The following SMPD4 variants were observed in gnomAD, a reference collection of about 807,000 sequenced individuals.
SMPD4 encodes sphingomyelin phosphodiesterase 4, also known as neutral sphingomyelinase 3.
Under a neutral mutation model 97.8 loss-of-function variants are expected in SMPD4, and 58 were observed. That is an observed-to-expected ratio of 0.59 (90% CI 0.48 to 0.74). The LOEUF (loss-of-function observed/expected upper bound fraction) is 0.74. Ranked by LOEUF, SMPD4 falls within the 30% of genes least tolerant of loss-of-function variation. The probability of loss-of-function intolerance (pLI) is 0.00; values close to 1 mark genes in which losing one functional copy is unlikely to be tolerated. For synonymous variants in SMPD4, 388 were observed against 450.0 expected, an observed-to-expected ratio of 0.86 and a Z score of 1.74; for missense variants, 853 against 1,080.5, an observed-to-expected ratio of 0.79 and a Z score of 2.95.
At chr2:130,163,591 G>A (rs1438983714) in intron 10 of SMPD4, among the ~76,000 whole-genome samples, 2 of 152,274 alleles carry the variant, frequency 1.3e-5, no homozygotes, top group Non-Finnish European at 2.9e-5. Context: ...ATGCACAGAC[G>A]CCATGGGCAC....
chr2:130,158,094 C>G lies in SMPD4; in HGVS notation c.952-698G>C, dbSNP rs1393328591. On this transcript the variant is annotated intron_variant, in intron 11 of 19. Transcript: ENST00000680298. Reference sequence around the variant, plus strand: ...GTTTGAGGCTGCAGTGAGCTAGGATCGTGCCACTGCACTCCAGCGTGGGTG... The same window carrying G: ...GTTTGAGGCTGCAGTGAGCTAGGATGGTGCCACTGCACTCCAGCGTGGGTG... 6 of 829,838 alleles carry G rather than the reference C, an allele frequency of 7.2e-6. No individual in the cohort carries two copies. In the African/African-American group the frequency reaches 9.1e-5, roughly 13 times the overall value. 51.4% of individuals were successfully genotyped at this position (829,838 alleles called of 1,614,324 possible). A position where few individuals can be genotyped will look rare whatever the true frequency, so the allele number is the denominator to read the frequency against.
At chr2:130,178,801 AAAAAAAAAAG>A (rs1324595753) in intron 1 of SMPD4, among the ~76,000 whole-genome samples, 5 of 150,516 alleles carry the variant, frequency 3.3e-5, no homozygotes, top group Non-Finnish European at 7.4e-5. Flanking sequence ...AAAAAATGGA[AAAAAAAAAAG>A]AAAAAAAAAG....
At position 130,152,491 on chromosome 2, in the gene SMPD4, C is replaced by T. The variant is rs1302514314; in HGVS notation, c.*64G>A. 1 of 1,454,438 alleles carries T rather than the reference C, an allele frequency of 6.9e-7. No homozygotes were observed. The highest frequency in any genetic ancestry group is 2.5e-5 in the East Asian group (1 of 40,024). The allele number at this position is 1,454,438 out of a possible 1,614,324, so 90.1% of individuals were successfully genotyped here. On this transcript the variant is annotated 3_prime_UTR_variant, in exon 20 of 20. Transcript: ENST00000680298. ...CTCCTGGAGGGGCTTCCCAGGTCCTCTCAGCCCAAGGGTGGGGCTGTGTGG... is the reference window on the plus strand; with the variant it reads ...CTCCTGGAGGGGCTTCCCAGGTCCTTTCAGCCCAAGGGTGGGGCTGTGTGG...
Position 130,167,266 on chromosome 2 carries a change from G to A in SMPD4, c.792+192C>T, listed in dbSNP as rs187787322. 1.4e-4 allele frequency among the ~76,000 whole-genome samples: 21 copies of A among 152,192 alleles called. 1 individual carries two copies. Among genetic ancestry groups the A allele is most frequent in the African/African-American group, 4.1e-4 (17 of 41,514 alleles). ...CTCCCGAGTAGCTGGGATTACAGGC[G>A]CCTGCCACCACGCCCAACTAATTTT... On this transcript the variant is annotated intron_variant, in intron 9 of 19. Transcript: ENST00000680298.
Position 130,173,972 on chromosome 2 carries a change from T to TAA in SMPD4, c.127-318_127-317dup, listed in dbSNP as rs70991393. On this transcript the variant is annotated intron_variant, in intron 3 of 19. Coordinates refer to ENST00000680298, the MANE Select transcript of SMPD4 (RefSeq NM_017951.5). The stretch of plus-strand genomic sequence containing the variant: ...TTAAATTAAGAAAAATAAATAAATT[T>TAA]AAAAAAAAACAAACAATGAAAATAA... 2.3e-3 allele frequency among the ~76,000 whole-genome samples: 342 copies of TAA among 149,458 alleles called. 5 individuals carry two copies. Among genetic ancestry groups the TAA allele is most frequent in the African/African-American group, 6.9e-3 (280 of 40,820 alleles).
chr2:130,156,254 C>T (rs1317347119), intron 13 of SMPD4, 119 bp from the exon 14 acceptor site: 8 of 874,660 alleles, frequency 9.1e-6, no homozygotes, highest in African/African-American at 3.3e-5. Context: ...CTCCAGAGGG[C>T]GCAGGAGAGA....
chr2:130,177,437 C>G (rs1018796359), intron 1 of SMPD4, among the ~76,000 whole-genome samples: 3 of 152,064 alleles, frequency 2.0e-5, no homozygotes, highest in African/African-American at 7.2e-5. Flanking sequence ...GTGGCTCCCA[C>G]CTGTAATCCT....
At position 130,162,313 on chromosome 2, in the gene SMPD4, G is replaced by A. The variant is rs1392253461; in HGVS notation, c.865-1041C>T. On this transcript the variant is annotated intron_variant, in intron 10 of 19. Coordinates refer to ENST00000680298, the MANE Select transcript of SMPD4 (RefSeq NM_017951.5). ...CCAGTGCAGCCACAGCCGGCCTGGT[G>A]CACATCCTGCCCCGCCAGCAGCATG... 2.0e-5 allele frequency among the ~76,000 whole-genome samples: 3 copies of A among 152,326 alleles called. No individual in the cohort carries two copies. In the East Asian group the frequency reaches 5.8e-4, roughly 29 times the overall value.
chr2:130,153,375 G>A lies in SMPD4; in HGVS notation c.1969C>T (p.Pro657Ser), dbSNP rs374198917. The A allele has an allele frequency of 1.2e-6, 2 of 1,613,888 alleles. No homozygotes were observed. Among genetic ancestry groups the A allele is most frequent in the Non-Finnish European group, 1.7e-6 (2 of 1,180,024 alleles). The change falls in exon 18 of 20, where the codon CCC becomes TCC. Residue 657 changes from proline to serine, a missense_variant. By Grantham distance (74) the Pro-to-Ser change is moderately conservative. This residue lies in a region of SMPD4 where 511 missense variants were observed against 608.1 expected (regional missense o/e 0.84). Coordinates refer to ENST00000680298, the MANE Select transcript of SMPD4 (RefSeq NM_017951.5). ...CCGTCCTCACCCACGATGCAGTCGGGGAGTTGCTTTTTTCCATTCTCATCC... is the reference window on the plus strand; with the variant it reads ...CCGTCCTCACCCACGATGCAGTCGGAGAGTTGCTTTTTTCCATTCTCATCC... Reference protein sequence around the residue: ...TQDENGKKQLPDCIVGEDGLI... With the variant: ...TQDENGKKQLSDCIVGEDGLI...
chr2:130,169,221 T>G (rs1688207692), intron 8 of SMPD4, among the ~76,000 whole-genome samples: 1 of 151,714 alleles, frequency 6.6e-6, no homozygotes, highest in African/African-American at 2.4e-5. Flanking sequence ...TCTGGAGGGG[T>G]CAAGGTCAGG....
chr2:130,167,516 G>A lies in SMPD4; in HGVS notation c.734C>T (p.Thr245Met), dbSNP rs759616929. The change falls in exon 9 of 20, where the codon ACG becomes ATG. Residue 245 changes from threonine (T) to methionine (M), a missense_variant. Coordinates refer to ENST00000680298, the MANE Select transcript of SMPD4 (RefSeq NM_017951.5). ...SLLKRHISHQ[T>M]SVNADPASHE... The stretch of plus-strand genomic sequence containing the variant: ...GGAGGCGGGGTCTGCATTCACAGAC[G>A]TCTGATGAGAGATGTGTCGCTTTAG... 3.7e-6 allele frequency: 6 copies of A among 1,613,882 alleles called. No homozygotes were observed. Among genetic ancestry groups the A allele is most frequent in the Admixed American group, 1.7e-5 (1 of 60,012 alleles).
Position 130,153,152 on chromosome 2 carries a change from C to T in SMPD4, c.2045G>A (p.Arg682Lys), listed in dbSNP as rs1686398647. 6.2e-6 allele frequency: 10 copies of T among 1,613,858 alleles called. No homozygotes were observed. Among genetic ancestry groups the T allele is most frequent in the Non-Finnish European group, 6.8e-6 (8 of 1,179,998 alleles). The change falls in exon 19 of 20, where the codon AGG becomes AAG. Residue 682 changes from arginine to lysine, a missense_variant. This residue lies in a region of SMPD4 where 511 missense variants were observed against 608.1 expected (regional missense o/e 0.84). Transcript: ENST00000680298. ...GTCCCCCTGGTACTCAATTTCAAACCTTCGCAGCCCATTGATGATCTAGAA... is the reference window on the plus strand; with the variant it reads ...GTCCCCCTGGTACTCAATTTCAAACTTTCGCAGCCCATTGATGATCTAGAA... ...GRYQIINGLR[R>K]FEIEYQGDPE...
At chr2:130,179,780 G>T (rs909283323) in intron 1 of SMPD4, among the ~76,000 whole-genome samples, 3 of 148,242 alleles carry the variant, frequency 2.0e-5, no homozygotes, top group East Asian at 4.1e-4. Flanking sequence ...TCAGCCTCCC[G>T]AGTAGCTGGA....
chr2:130,153,288 C>T (rs1174487227), intron 18 of SMPD4, 31 bp downstream of exon 18: 10 of 1,613,438 alleles, frequency 6.2e-6, no homozygotes, highest in Non-Finnish European at 7.6e-6. Flanking sequence ...CAGGGCCCAG[C>T]CTGTGCGCCT....
chr2:130,167,234 C>T (rs2104870034), intron 9 of SMPD4, among the ~76,000 whole-genome samples: 1 of 152,268 alleles, frequency 6.6e-6, no homozygotes, highest in Middle Eastern at 3.4e-3. Context: ...GATTCTCCCG[C>T]CTCAGCCTCC....
intron 9 of SMPD4, among the ~76,000 whole-genome samples, chr2:130,164,859 A>T (rs1687771128): frequency 6.6e-6 from 1 of 152,082 alleles, no homozygotes; most frequent in South Asian, 2.1e-4. Flanking sequence ...TCATCCCAGC[A>T]CTTTGGGAGG....
chr2:130,169,800 C>T (rs1688268117), intron 8 of SMPD4, among the ~76,000 whole-genome samples: 1 of 152,184 alleles, frequency 6.6e-6, no homozygotes, highest in South Asian at 2.1e-4. Flanking sequence ...GATCCTCCCG[C>T]CTTGGCCTCC....
rs1301516661 is a variant in SMPD4 at position 130,172,811 on chromosome 2, C to A, written c.430G>T (p.Gly144Cys). 1 of 1,614,114 alleles carries A rather than the reference C, an allele frequency of 6.2e-7. No homozygotes were observed. Among genetic ancestry groups the A allele is most frequent in the South Asian group, 1.1e-5 (1 of 91,072 alleles). Residue 144 changes from glycine (G) to cysteine (C), a missense_variant, in exon 6 of 20, where the codon GGC becomes TGC. Physicochemically the swap from Gly to Cys is radical, Grantham distance 159. Transcript: ENST00000680298. The part of the protein sequence containing the change: ...HNKVQFTPTG[G>C]LGLNLALNPF... ...CTCAGGGCCAAGTTCAGACCAAGGC[C>A]CCCAGTAGGGGTGAACTGGACCTTG...
chr2:130,176,953 G>T (rs912636799), intron 1 of SMPD4, among the ~76,000 whole-genome samples: 4 of 152,184 alleles, frequency 2.6e-5, no homozygotes, highest in African/African-American at 9.7e-5. Context: ...GGCCTCCTAA[G>T]TGTTGGGGTT....
Sources: gnomAD v4.1 joint callset for allele counts (sites outside exome capture counted in the v4.1 genomes callset) on GRCh38, gnomAD v4.1.1 for gene constraint, gnomAD v4.1.1 regional missense constraint, MANE v1.5 for transcripts, NCBI Gene and HGNC (gene_info 2026-07-23, HGNC 2026-07-21) for gene names.